Variants in ACACA observed in about 807,000 individuals in gnomAD.
ACACA encodes the protein acetyl-CoA carboxylase 1.
In ACACA, 103 loss-of-function variants were observed where a neutral mutation model predicts 296.1. The observed-to-expected ratio is 0.35, with a 90% CI of 0.30 to 0.41. The LOEUF is 0.41. Among genes scored for constraint, ACACA ranks in the 10% least tolerant of loss-of-function variants. ACACA has a pLI of 1.00. For synonymous variants in ACACA, 953 were observed against 1,038.6 expected, an observed-to-expected ratio of 0.92 and a Z score of 1.58; for missense variants, 1,554 against 2,989.7, an observed-to-expected ratio of 0.52 and a Z score of 11.20.
Position 37,259,363 on chromosome 17 carries a change from G to A in ACACA, c.1497C>T (p.Leu499=). The change falls in exon 12 of 56, where the codon CTC becomes CTT. Residue 499 remains leucine, a synonymous_variant. Transcript: ENST00000616317. Reference sequence around the variant, plus strand: ...AACCCAGATCAGGGAGACTCACCTGGAGCTGTGCTGCAGGGAGATTGACAT... The same window carrying A: ...AACCCAGATCAGGGAGACTCACCTGAAGCTGTGCTGCAGGGAGATTGACAT... ...VADVNLPAAQ[L]QIAMGIPLYR... is the part of the protein sequence containing the mutation. 6.2e-7 allele frequency: 1 copy of A among 1,614,072 alleles called. No individual in the cohort carries two copies. The highest frequency in any genetic ancestry group is 8.5e-7 in the Non-Finnish European group (1 of 1,179,990).
At chr17:37,375,764 T>G (rs2049977307) in intron 1 of ACACA, among the ~76,000 whole-genome samples, 1 of 152,212 alleles carries the variant, frequency 6.6e-6, no homozygotes, top group South Asian at 2.1e-4. Context: ...TACGTGTCTA[T>G]CTGCAAGTAT....
chr17:37,273,829 A>C (rs1183573056), intron 9 of ACACA, among the ~76,000 whole-genome samples: 1 of 152,186 alleles, frequency 6.6e-6, no homozygotes, highest in Non-Finnish European at 1.5e-5. Context: ...CAGTAGAAAA[A>C]GTATGTTGTT....
At chr17:37,155,320 ATTC>A (rs1201051298) in intron 43 of ACACA, among the ~76,000 whole-genome samples, 1 of 152,178 alleles carries the variant, frequency 6.6e-6, no homozygotes, top group Non-Finnish European at 1.5e-5. Flanking sequence ...TATAAAAGAA[ATTC>A]TTGTTATAAT....
intron 3 of ACACA, among the ~76,000 whole-genome samples, chr17:37,323,377 T>C (rs1252624790): frequency 5.3e-5 from 8 of 152,276 alleles, no homozygotes; most frequent in Non-Finnish European, 1.2e-4. Flanking sequence ...AGACAATCAC[T>C]TGAGGCCAGG....
intron 14 of ACACA, among the ~76,000 whole-genome samples, chr17:37,254,833 A>C (rs1302387999): frequency 6.6e-6 from 1 of 151,822 alleles, no homozygotes; most frequent in Non-Finnish European, 1.5e-5. Context: ...AAATACAAAA[A>C]CTAGCTGGGT....
In ACACA at chr17:37,129,369, G is replaced by C. The variant is rs1467782908; in HGVS notation, c.5940C>G (p.His1980Gln). The change falls in exon 47 of 56, where the codon CAC becomes CAG. Residue 1980 changes from histidine to glutamine, a missense_variant. This residue lies in a region of ACACA where 553 missense variants were observed against 1,043.6 expected (regional missense o/e 0.53). Coordinates refer to ENST00000616317, the MANE Select transcript of ACACA (RefSeq NM_198834.3). ...DPRWMLAGRPHPTQKGQWLSG... is the reference protein window; with the variant it reads ...DPRWMLAGRPQPTQKGQWLSG... ...GGTCCTCAAACATATACATACTTGG[G>C]TGAGGACGGCCTGCTAGCATCCATC... 6.2e-7 allele frequency: 1 copy of C among 1,614,048 alleles called. No individual in the cohort carries two copies.
intron 35 of ACACA, 128 bp from the exon 36 acceptor site, chr17:37,193,543 T>C: frequency 1.4e-6 from 1 of 700,768 alleles, no homozygotes; most frequent in African/African-American, 1.8e-5. Flanking sequence ...TACCTAAGCT[T>C]AGTCCAGGAA....
At chr17:37,385,277 G>A (rs1727921750) in intron 1 of ACACA, among the ~76,000 whole-genome samples, 2 of 152,096 alleles carry the variant, frequency 1.3e-5, no homozygotes, top group African/African-American at 4.8e-5. Flanking sequence ...TTTAAGACCA[G>A]CCTGGCCAGC....
intron 1 of ACACA, among the ~76,000 whole-genome samples, chr17:37,384,239 G>T (rs1365679271): frequency 6.6e-6 from 1 of 152,208 alleles, no homozygotes; most frequent in Non-Finnish European, 1.5e-5. Context: ...GAACTGTAAG[G>T]GTGAGAATGT....
intron 39 of ACACA, among the ~76,000 whole-genome samples, chr17:37,186,426 T>C (rs548786453): frequency 5.9e-5 from 9 of 152,318 alleles, no homozygotes; most frequent in South Asian, 2.1e-4. Context: ...ATACTATAAG[T>C]AGTCAATCAA....
At chr17:37,175,172 A>G (rs1007300496) in intron 41 of ACACA, among the ~76,000 whole-genome samples, 5 of 152,334 alleles carry the variant, frequency 3.3e-5, no homozygotes, top group Non-Finnish European at 7.3e-5. Flanking sequence ...AGAGCTGATA[A>G]AAAGAAATAA....
chr17:37,338,784 C>CA (rs1195732033), intron 2 of ACACA, among the ~76,000 whole-genome samples: 1 of 151,476 alleles, frequency 6.6e-6, no homozygotes, highest in Non-Finnish European at 1.5e-5. Context: ...ACTAAAAATA[C>CA]AAAAAATTAG....
chr17:37,210,530 T>G, intron 29 of ACACA, 40 bp from the exon 30 acceptor site: 1 of 1,592,282 alleles, frequency 6.3e-7, no homozygotes, highest in Non-Finnish European at 8.6e-7. Flanking sequence ...GATAAGTTAG[T>G]GAAAGCCATA....
At chr17:37,170,832 C>T (rs1325243611) in intron 41 of ACACA, among the ~76,000 whole-genome samples, 1 of 152,202 alleles carries the variant, frequency 6.6e-6, no homozygotes, top group Non-Finnish European at 1.5e-5. Flanking sequence ...TGCAAGCACA[C>T]ACAGGCACTT....
intron 44 of ACACA, among the ~76,000 whole-genome samples, chr17:37,150,747 T>C (rs970321074): frequency 6.6e-6 from 1 of 151,746 alleles, no homozygotes; most frequent in Non-Finnish European, 1.5e-5. Flanking sequence ...AGTAAGACTC[T>C]GTCTCTTAAA....
Position 37,173,261 on chromosome 17 carries a change from G to A in ACACA, c.5079+5999C>T, listed in dbSNP as rs181850449. On this transcript the variant is annotated intron_variant, in intron 41 of 55. Transcript: ENST00000616317. ...TGCTTTCCACTAGAATCTGAGTCCAGGATAACCCAAGCAATTCCTTTGAGG... is the reference window on the plus strand; with the variant it reads ...TGCTTTCCACTAGAATCTGAGTCCAAGATAACCCAAGCAATTCCTTTGAGG... Among the ~76,000 whole-genome samples the A allele has an allele frequency of 3.3e-5, 5 of 152,194 alleles. No homozygotes were observed. The East Asian group carries it at 9.7e-4, about 29-fold the overall frequency.
chr17:37,296,327 A>C (rs1389276791), intron 3 of ACACA, among the ~76,000 whole-genome samples: 1 of 123,154 alleles, frequency 8.1e-6, no homozygotes, highest in East Asian at 2.3e-4. Context: ...TTTTTTTGAG[A>C]CAGAGTCTCG....
At chr17:37,359,063 G>A (rs1733187709) in intron 1 of ACACA, 1 of 986,106 alleles carries the variant, frequency 1.0e-6, no homozygotes, top group Non-Finnish European at 1.2e-6. Flanking sequence ...CTGCTGGGCG[G>A]GAGGAGACGC....
Position 37,207,247 on chromosome 17 carries a change from C to A in ACACA, c.3852-368G>T, listed in dbSNP as rs2078546191. Among the ~76,000 whole-genome samples, 3 of 152,104 alleles carry A rather than the reference C, an allele frequency of 2.0e-5. No homozygotes were observed. The South Asian group carries it at 6.2e-4, about 32-fold the overall frequency. ...ACAGACCAATGTAATTACCCCTCCC[C>A]CTAGGGTAATGCATCAGTATACATC... is the stretch of plus-strand genomic sequence containing the variant. On this transcript the variant is annotated intron_variant, in intron 31 of 55. Coordinates refer to ENST00000616317, the MANE Select transcript of ACACA (RefSeq NM_198834.3).
Sources: allele counts gnomAD v4.1 joint callset (sites outside exome capture counted in the v4.1 genomes callset), GRCh38; gene constraint gnomAD v4.1.1; regional missense constraint gnomAD v4.1.1; transcripts MANE v1.5; gene names NCBI Gene and HGNC (gene_info 2026-07-23, HGNC 2026-07-21).